Variants in SMTNL2 observed in about 807,000 individuals in gnomAD.
SMTNL2 encodes smoothelin like 2, also known as smoothelin-like protein 2.
In SMTNL2, 43 loss-of-function variants were observed where a neutral mutation model predicts 44.1. That is an observed-to-expected ratio of 0.98 (90% confidence interval 0.76 to 1.26). The LOEUF is 1.26. Ranked by LOEUF, SMTNL2 falls within the 50% of genes most tolerant of loss-of-function variation. The pLI, the probability that SMTNL2 is intolerant of heterozygous loss-of-function variation, is 0.00. For synonymous variants in SMTNL2, 317 were observed against 287.6 expected, an observed-to-expected ratio of 1.10 and a Z score of -1.03; for missense variants, 646 against 670.2, an observed-to-expected ratio of 0.96 and a Z score of 0.40.
Position 4,600,769 on chromosome 17 carries a change from G to A in SMTNL2, c.1259+3446G>A, listed in dbSNP as rs1413941208. Among the ~76,000 whole-genome samples, 1 of 152,182 alleles carries A rather than the reference G, an allele frequency of 6.6e-6. No individual in the cohort carries two copies. Among genetic ancestry groups the A allele is most frequent in the African/African-American group, 2.4e-5 (1 of 41,450 alleles). On this transcript the variant is annotated intron_variant, in intron 7 of 7. Coordinates refer to ENST00000389313, the MANE Select transcript of SMTNL2 (RefSeq NM_001114974.2). This position sits in a 1 kb window ranked among gnomAD's most constrained non-coding sequence, Gnocchi z 4.7. ...TGCACCCGTCCTTTCCACCTCTGCAGAGGCCCAGTGCAGGACGTGCAGCCC... is the reference window on the plus strand; with the variant it reads ...TGCACCCGTCCTTTCCACCTCTGCAAAGGCCCAGTGCAGGACGTGCAGCCC...
Position 4,584,646 on chromosome 17 carries a change from G to C in SMTNL2, c.41G>C (p.Arg14Pro), listed in dbSNP as rs1165308457. The change falls in exon 1 of 8, where the codon CGC (arginine) becomes CCC (proline). Residue 14 changes from arginine (R) to proline (P), a missense_variant. By Grantham distance (103) the Arg-to-Pro change is moderately radical. Transcript: ENST00000389313. ...APDAQEARTV[R>P]EALGRYEAAL... is the part of the protein sequence containing the mutation. ...GACGCCCAGGAGGCGCGCACTGTGC[G>C]CGAGGCGCTGGGCCGCTACGAGGCG... 3 of 1,266,426 alleles carry C rather than the reference G, an allele frequency of 2.4e-6. No homozygotes were observed. The highest frequency in any genetic ancestry group is 3.0e-6 in the Non-Finnish European group (3 of 1,008,478). 78.4% of individuals were successfully genotyped at this position (1,266,426 alleles called of 1,614,324 possible).
intron 5 of SMTNL2, among the ~76,000 whole-genome samples, chr17:4,596,366 G>A (rs1031241063): frequency 6.6e-6 from 1 of 152,242 alleles, no homozygotes; most frequent in Non-Finnish European, 1.5e-5. Flanking sequence ...AAACAACCTG[G>A]CCTAGGCCAT....
rs1028816292 is a variant in SMTNL2, at chr17:4,589,398, G to C, written c.400-2963G>C. On this transcript the variant is annotated intron_variant, in intron 1 of 7. Coordinates refer to ENST00000389313, the MANE Select transcript of SMTNL2 (RefSeq NM_001114974.2). ...GAGCCTGGTGACTGTGGGGGCCGGG[G>C]TTCCAGCTGGACTGGCTGGTTCTCC... 5.9e-5 allele frequency among the ~76,000 whole-genome samples: 9 copies of C among 152,274 alleles called. No homozygotes were observed. In the East Asian group the frequency reaches 1.7e-3, roughly 29 times the overall value.
intron 7 of SMTNL2, among the ~76,000 whole-genome samples, chr17:4,605,269 C>T (rs71367838): frequency 0.022 from 3,221 of 148,634 alleles, 67 homozygotes; most frequent in Admixed American, 0.07. Flanking sequence ...TCAAGCGATC[C>T]TCTCACCTCA....
rs1567639979 is a variant in SMTNL2 at position 4,607,647 on chromosome 17, T to C, written c.*160T>C. The C allele has an allele frequency of 1.1e-5, 13 of 1,203,020 alleles. No homozygotes were observed. Among genetic ancestry groups the C allele is most frequent in the Non-Finnish European group, 1.3e-5 (11 of 876,182 alleles). 74.5% of individuals were successfully genotyped at this position (1,203,020 alleles called of 1,614,324 possible). ...GCACTCCCCTTCGAGCCCAGCTGTG[T>C]TACTGATTAAAAGTACTGCTGAGCT... On this transcript the variant is annotated 3_prime_UTR_variant, in exon 8 of 8. Coordinates refer to ENST00000389313, the MANE Select transcript of SMTNL2 (RefSeq NM_001114974.2). This position sits in a 1 kb window ranked among gnomAD's most constrained non-coding sequence, Gnocchi z 4.7.
intron 5 of SMTNL2, 73 bp from the exon 6 acceptor site, chr17:4,596,787 C>T: frequency 7.6e-7 from 1 of 1,309,200 alleles, no homozygotes; most frequent in Non-Finnish European, 1.0e-6. Flanking sequence ...AGGACAGCCT[C>T]CCCTGCCCCA....
chr17:4,594,373 C>T (rs761451379), intron 4 of SMTNL2, among the ~76,000 whole-genome samples: 1 of 152,034 alleles, frequency 6.6e-6, no homozygotes, highest in African/African-American at 2.4e-5. Context: ...CGCTTGAACT[C>T]GGGAAGCGGA....
intron 7 of SMTNL2, among the ~76,000 whole-genome samples, chr17:4,605,121 G>A (rs949857884): frequency 1.3e-5 from 2 of 149,844 alleles, no homozygotes; most frequent in African/African-American, 4.9e-5. Flanking sequence ...CGTCAAAATG[G>A]CAACAAGAAT....
chr17:4,596,579 C>A (rs1364673256), intron 5 of SMTNL2, among the ~76,000 whole-genome samples: 1 of 152,156 alleles, frequency 6.6e-6, no homozygotes, highest in Non-Finnish European at 1.5e-5. Context: ...CAGGTGACCC[C>A]TGCTTCCTGG....
rs1909987311 is a variant in SMTNL2 at position 4,600,532 on chromosome 17, C to CCTTTGGTCCCTTTTA, written c.1259+3215_1259+3216insTCCCTTTTACTTTGG. 2.0e-5 allele frequency among the ~76,000 whole-genome samples: 3 copies of CCTTTGGTCCCTTTTA among 152,126 alleles called. No individual in the cohort carries two copies. Among genetic ancestry groups the CCTTTGGTCCCTTTTA allele is most frequent in the Admixed American group, 2.0e-4 (3 of 15,278 alleles). On this transcript the variant is annotated intron_variant, in intron 7 of 7. Transcript: ENST00000389313. The surrounding 1 kb of genome is among the most constrained non-coding windows in gnomAD (Gnocchi z 4.7). The stretch of plus-strand genomic sequence containing the variant: ...ACAAGGATCAAGGATGCACCAGGGA[C>CCTTTGGTCCCTTTTA]CTTTGGAGTAAAAGTGGTGTGTGCT...
In SMTNL2 at chr17:4,584,923, CG is replaced by C; in HGVS notation, c.322del (p.Val108PhefsTer38). On this transcript the variant is annotated frameshift_variant, in exon 1 of 8. Coordinates refer to ENST00000389313, the MANE Select transcript of SMTNL2 (RefSeq NM_001114974.2). LOFTEE classifies it high-confidence loss of function. ...GCACGCCCAGCCCCCCGCCCGCGCC[CG>C]GGGTTCCCGACCGCGCGCCCCGCCT... Reference protein sequence around the residue: ...PGTPSPPPAPGVPDRAPRLGS... With the variant: ...PGTPSPPPAPXVPDRAPRLGS... 3.1e-6 allele frequency: 4 copies of C among 1,302,644 alleles called. No homozygotes were observed. Among genetic ancestry groups the C allele is most frequent in the Non-Finnish European group, 1.9e-6 (2 of 1,031,358 alleles). The allele number at this position is 1,302,644 out of a possible 1,614,324, so 80.7% of individuals were successfully genotyped here.
At chr17:4,602,843 G>A (rs1910104704) in intron 7 of SMTNL2, among the ~76,000 whole-genome samples, 1 of 152,164 alleles carries the variant, frequency 6.6e-6, no homozygotes, top group African/African-American at 2.4e-5. Context: ...AGAAAAGAGG[G>A]AGCCAGGAGA....
At chr17:4,587,279 A>T (rs1909380370) in intron 1 of SMTNL2, among the ~76,000 whole-genome samples, 1 of 152,150 alleles carries the variant, frequency 6.6e-6, no homozygotes, top group Non-Finnish European at 1.5e-5. Flanking sequence ...GCACCCCTTG[A>T]GCCCTGGCTC....
At position 4,600,178 on chromosome 17, in the gene SMTNL2, G is replaced by A. The variant is rs778704392; in HGVS notation, c.1259+2855G>A. Among the ~76,000 whole-genome samples, 4 of 152,298 alleles carry A rather than the reference G, an allele frequency of 2.6e-5. No individual in the cohort carries two copies. Among genetic ancestry groups the A allele is most frequent in the Non-Finnish European group, 4.4e-5 (3 of 68,018 alleles). ...CCTGCCTGGGGCCTCTGGGGAGGAC[G>A]ACAGCTTGGATCACCTCATTTGTTG... On this transcript the variant is annotated intron_variant, in intron 7 of 7. Coordinates refer to ENST00000389313, the MANE Select transcript of SMTNL2 (RefSeq NM_001114974.2). This position sits in a 1 kb window ranked among gnomAD's most constrained non-coding sequence, Gnocchi z 4.7.
chr17:4,587,738 G>A (rs948588654), intron 1 of SMTNL2, among the ~76,000 whole-genome samples: 3 of 152,216 alleles, frequency 2.0e-5, no homozygotes, highest in South Asian at 2.1e-4. Context: ...TCAAACTGGG[G>A]ACTGAAGGAT....
Position 4,584,958 on chromosome 17 carries a change from C to A in SMTNL2, c.353C>A (p.Ala118Glu). Residue 118 changes from alanine (A) to glutamate (E), a missense_variant, in exon 1 of 8, where the codon GCA becomes GAA. By Grantham distance (107) the Ala-to-Glu change is moderately radical. Transcript: ENST00000389313. ...GACCGCGCGCCCCGCCTGGGCAGCGCACGCTTCGCCAGCCACGCCACCTTC... is the reference window on the plus strand; with the variant it reads ...GACCGCGCGCCCCGCCTGGGCAGCGAACGCTTCGCCAGCCACGCCACCTTC... The part of the protein sequence containing the change: ...VPDRAPRLGS[A>E]RFASHATFSL... 2.2e-6 allele frequency: 3 copies of A among 1,367,670 alleles called. No individual in the cohort carries two copies. Among genetic ancestry groups the A allele is most frequent in the African/African-American group, 1.5e-5 (1 of 65,786 alleles). 84.7% of individuals were successfully genotyped at this position (1,367,670 alleles called of 1,614,324 possible).
chr17:4,595,349 C>G lies in SMTNL2; in HGVS notation c.989+22C>G, dbSNP rs761358957. ...GCAAGTACGGATGCCCACTCACAGA[C>G]AGGCCCGGCCCCACGGTGTGCCCAG... On this transcript the variant is annotated intron_variant, in intron 5 of 7. Coordinates refer to ENST00000389313, the MANE Select transcript of SMTNL2 (RefSeq NM_001114974.2). The surrounding 1 kb of genome is among the most constrained non-coding windows in gnomAD (Gnocchi z 5.1). The G allele has an allele frequency of 6.2e-7, 1 of 1,606,822 alleles. No homozygotes were observed. Among genetic ancestry groups the G allele is most frequent in the Non-Finnish European group, 8.5e-7 (1 of 1,176,022 alleles).
At chr17:4,594,702 A>G (rs1597412939) in intron 4 of SMTNL2, among the ~76,000 whole-genome samples, 1 of 142,754 alleles carries the variant, frequency 7.0e-6, no homozygotes. Flanking sequence ...GTAGGGTAGC[A>G]GGCTTGGCTT....
intron 7 of SMTNL2, among the ~76,000 whole-genome samples, chr17:4,599,253 G>C (rs552368519): frequency 2.6e-5 from 4 of 152,306 alleles, no homozygotes; most frequent in Middle Eastern, 3.4e-3. Flanking sequence ...GCTGCTTGGG[G>C]TTAGCTGTCA....
Sources: allele counts gnomAD v4.1 joint callset (sites outside exome capture counted in the v4.1 genomes callset), GRCh38; gene constraint gnomAD v4.1.1; non-coding constraint Gnocchi (gnomAD v3.1); transcripts MANE v1.5; gene names NCBI Gene and HGNC (gene_info 2026-07-23, HGNC 2026-07-21).